Variants in CFTR observed in about 807,000 individuals in gnomAD.
CFTR encodes CF transmembrane conductance regulator.
Under a neutral mutation model 171.6 loss-of-function variants are expected in CFTR, and 181 were observed. The ratio of observed to expected loss-of-function variants is 1.05; its 90% CI spans 0.93 to 1.19. The LOEUF (loss-of-function observed/expected upper bound fraction) is 1.19, where lower values mean the gene tolerates loss of function less well. CFTR is among the 50% of genes most tolerant of loss of function. The pLI is 0.00. For synonymous variants in CFTR, 583 were observed against 608.0 expected (o/e 0.96, Z 0.60); for missense variants, 1,968 against 1,734.7 (o/e 1.13, Z -2.39).
intron 13 of CFTR, 130 bp from the exon 14 acceptor site, chr7:117,591,804 C>A: frequency 1.7e-6 from 1 of 588,170 alleles, no homozygotes; most frequent in Non-Finnish European, 2.9e-6. Flanking sequence ...CTTATAGAAT[C>A]ATTTAAAATA....
chr7:117,637,222 G>GT (rs35433853), intron 22 of CFTR, among the ~76,000 whole-genome samples: 56,601 of 143,072 alleles, frequency 0.4, 11,402 homozygotes, highest in African/African-American at 0.53. Flanking sequence ...TTCAAATGGT[G>GT]TTTTTTTTTT....
At chr7:117,531,354 T>C (rs1466423304) in intron 4 of CFTR, among the ~76,000 whole-genome samples, 3 of 152,152 alleles carry the variant, frequency 2.0e-5, no homozygotes, top group African/African-American at 4.8e-5. Flanking sequence ...GTTTTTTTTT[T>C]CTCCTAATCA....
rs908247802 is a variant in CFTR, at chr7:117,531,261, T to C, written c.489+147T>C. ...CCTATTAAATAAATGGCAGGAATAATTAATGCTCTTAATTATCCTTGATAA... is the reference window on the plus strand; with the variant it reads ...CCTATTAAATAAATGGCAGGAATAACTAATGCTCTTAATTATCCTTGATAA... On this transcript the variant is annotated intron_variant, in intron 4 of 26. Coordinates refer to ENST00000003084, the MANE Select transcript of CFTR (RefSeq NM_000492.4). The C allele has an allele frequency of 9.2e-6, 6 of 650,712 alleles. No homozygotes were observed. The Admixed American group carries it at 1.3e-4, about 14-fold the overall frequency. The allele number at this position is 650,712 out of a possible 1,614,324, so 40.3% of individuals were successfully genotyped here.
intron 22 of CFTR, among the ~76,000 whole-genome samples, chr7:117,637,533 T>A (rs1314660852): frequency 6.6e-6 from 1 of 152,052 alleles, no homozygotes; most frequent in African/African-American, 2.4e-5. Flanking sequence ...CCCTGATAGG[T>A]TAGGCATGGT....
intron 1 of CFTR, among the ~76,000 whole-genome samples, chr7:117,493,914 G>A (rs1024631805): frequency 3.5e-4 from 53 of 152,098 alleles, no homozygotes; most frequent in African/African-American, 1.2e-3. Context: ...ATAATCATGT[G>A]TAGCCATAAC....
At chr7:117,588,814 G>A (rs1433317748) in intron 12 of CFTR, among the ~76,000 whole-genome samples, 1 of 152,110 alleles carries the variant, frequency 6.6e-6, no homozygotes, top group East Asian at 1.9e-4. Flanking sequence ...AAATGGTAGA[G>A]TCACAGTTTG....
chr7:117,589,403 TTTTC>T (rs1207262814), intron 12 of CFTR, among the ~76,000 whole-genome samples: 3 of 152,000 alleles, frequency 2.0e-5, no homozygotes, highest in East Asian at 3.8e-4. Flanking sequence ...CTGAATACAA[TTTTC>T]TTTATTACAG....
At chr7:117,633,349 G>A (rs10246649) in intron 22 of CFTR, among the ~76,000 whole-genome samples, 10,965 of 151,894 alleles carry the variant, frequency 0.072, 634 homozygotes, top group African/African-American at 0.15. Flanking sequence ...TTTTTTGCAT[G>A]TTAGCCTTAT....
At chr7:117,619,982 C>A (rs1188650827) in intron 21 of CFTR, among the ~76,000 whole-genome samples, 1 of 152,266 alleles carries the variant, frequency 6.6e-6, no homozygotes. Context: ...AAAAGGGGAA[C>A]CTGGCTTTTC....
chr7:117,559,851 G>A (rs1554384488), intron 11 of CFTR, among the ~76,000 whole-genome samples, 196 bp downstream of exon 11: 1 of 151,938 alleles, frequency 6.6e-6, no homozygotes, highest in Non-Finnish European at 1.5e-5. Flanking sequence ...TGAAATAAAT[G>A]CAATTTATTT....
At chr7:117,599,239 C>A (rs1389840646) in intron 15 of CFTR, among the ~76,000 whole-genome samples, 1 of 152,116 alleles carries the variant, frequency 6.6e-6, no homozygotes, top group Non-Finnish European at 1.5e-5. Context: ...ATGATTTGAA[C>A]CTCTGCCTTG....
chr7:117,507,741 G>A (rs964003388), intron 2 of CFTR, among the ~76,000 whole-genome samples: 9 of 152,112 alleles, frequency 5.9e-5, no homozygotes, highest in Admixed American at 3.9e-4. Context: ...GAGATTGCCA[G>A]GCTTGTCTTC....
chr7:117,607,491 C>T (rs1253889451), intron 18 of CFTR, among the ~76,000 whole-genome samples: 3 of 152,064 alleles, frequency 2.0e-5, no homozygotes, highest in Non-Finnish European at 4.4e-5. Context: ...GGTTGTTGGA[C>T]CAGGTTTAAG....
At chr7:117,609,016 A>G (rs1792342248) in intron 18 of CFTR, among the ~76,000 whole-genome samples, 1 of 152,164 alleles carries the variant, frequency 6.6e-6, no homozygotes, top group African/African-American at 2.4e-5. Context: ...GATCTCTGGA[A>G]CTTATTCATT....
chr7:117,664,797 G>T lies in CFTR; in HGVS notation c.4073G>T (p.Arg1358Ile). 4 of 1,614,090 alleles carry T rather than the reference G, an allele frequency of 2.5e-6. No individual in the cohort carries two copies. The highest frequency in any genetic ancestry group is 8.5e-7 in the Non-Finnish European group (1 of 1,179,938). ...CACAAGCAGTTGATGTGCTTGGCTA[G>T]ATCTGTTCTCAGTAAGGCGAAGATC... The part of the protein sequence containing the change: ...HGHKQLMCLA[R>I]SVLSKAKILL... Residue 1358 changes from arginine (R) to isoleucine (I), a missense_variant, in exon 25 of 27, where the codon AGA becomes ATA. Transcript: ENST00000003084.
chr7:117,639,517 A>G (rs1792879589), intron 22 of CFTR, among the ~76,000 whole-genome samples: 1 of 152,188 alleles, frequency 6.6e-6, no homozygotes, highest in African/African-American at 2.4e-5. Context: ...TATTGTATAT[A>G]TCACAGTACT....
intron 3 of CFTR, among the ~76,000 whole-genome samples, chr7:117,515,020 G>C (rs1798577251): frequency 6.6e-6 from 1 of 151,476 alleles, no homozygotes; most frequent in South Asian, 2.1e-4. Flanking sequence ...TTGTGAATTT[G>C]TTTAAGTGCC....
chr7:117,548,333 G>GGTGTGTGTGTGTGTGT (rs3034794), intron 9 of CFTR, among the ~76,000 whole-genome samples: 1,692 of 144,120 alleles, frequency 0.012, 15 homozygotes, highest in African/African-American at 0.014. Flanking sequence ...AGGAGAAGAG[G>GGTGTGTGTGTGTGTGT]GTGTGTGTGT....
chr7:117,660,709 T>C (rs1427115152), intron 24 of CFTR, among the ~76,000 whole-genome samples: 2 of 151,762 alleles, frequency 1.3e-5, no homozygotes, highest in Non-Finnish European at 2.9e-5. Flanking sequence ...CACATATATA[T>C]ATACATATAT....
Sources: allele counts gnomAD v4.1 joint callset (sites outside exome capture counted in the v4.1 genomes callset), GRCh38; gene constraint gnomAD v4.1.1; transcripts MANE v1.5; gene names NCBI Gene and HGNC (gene_info 2026-07-23, HGNC 2026-07-21).